Variants in UPF2 observed in about 807,000 individuals in gnomAD.
The protein encoded by UPF2 is UPF2 regulator of nonsense mediated mRNA decay.
In UPF2, 17 loss-of-function variants were observed where a neutral mutation model predicts 141.4. That is an observed-to-expected ratio of 0.12 (90% CI 0.08 to 0.18). UPF2 has a LOEUF of 0.18. UPF2 is among the 10% of genes least tolerant of loss of function. The pLI is 1.00. For missense variants in UPF2, 1,152 were observed against 1,515.9 expected, an observed-to-expected ratio of 0.76 and a Z score of 3.99; for synonymous variants, 540 against 498.0, an observed-to-expected ratio of 1.08 and a Z score of -1.12.
intron 3 of UPF2, chr10:12,026,529 C>A: frequency 2.4e-6 from 1 of 411,570 alleles, no homozygotes; most frequent in Non-Finnish European, 4.8e-6. Context: ...ACACATATGT[C>A]CTCTACTGGT....
chr10:12,040,214 T>C (rs1021715527), intron 1 of UPF2, among the ~76,000 whole-genome samples: 1 of 151,628 alleles, frequency 6.6e-6, no homozygotes, highest in Admixed American at 6.6e-5. Flanking sequence ...AGGTCAAGAG[T>C]TCGAAACCAT....
chr10:11,971,786 G>A (rs746258298), intron 9 of UPF2, among the ~76,000 whole-genome samples: 4 of 151,978 alleles, frequency 2.6e-5, no homozygotes, highest in Non-Finnish European at 5.9e-5. Context: ...TCTTCAGGCC[G>A]GGCACAGTGG....
rs1832633053 is a variant in UPF2 at position 11,920,905 on chromosome 10, G to C, written c.*393C>G. On this transcript the variant is annotated 3_prime_UTR_variant, in exon 22 of 22. Coordinates refer to ENST00000357604, the MANE Select transcript of UPF2 (RefSeq NM_015542.4). ...TCAGAGACACTGAAACTCAAATCAA[G>C]TTTAAAGCTCAAGTTCATTTCCCCC... 1 of 433,870 alleles carries C rather than the reference G, an allele frequency of 2.3e-6. No homozygotes were observed. Among genetic ancestry groups the C allele is most frequent in the African/African-American group, 2.0e-5 (1 of 49,676 alleles). The allele number at this position is 433,870 out of a possible 1,614,324, so 26.9% of individuals were successfully genotyped here. A position where few individuals can be genotyped will look rare whatever the true frequency, so the allele number is the denominator to read the frequency against.
Position 11,956,429 on chromosome 10 carries a change from T to C in UPF2, c.2465A>G (p.Asn822Ser), listed in dbSNP as rs773804891. 21 of 1,614,038 alleles carry C rather than the reference T, an allele frequency of 1.3e-5. No individual in the cohort carries two copies. Among genetic ancestry groups the C allele is most frequent in the Non-Finnish European group, 1.7e-6 (2 of 1,179,998 alleles). Residue 822 changes from asparagine to serine, a missense_variant, in exon 13 of 22, where the codon AAT becomes AGT. By Grantham distance (46) the Asn-to-Ser change is conservative (BLOSUM62 1). Transcript: ENST00000357604. This position sits in a 1 kb window ranked among gnomAD's most constrained non-coding sequence, Gnocchi z 4.2. Reference protein sequence around the residue: ...CMINIWNVKYNSIHCVANLLA... With the variant: ...CMINIWNVKYSSIHCVANLLA... ...GAGGTTGGCTACACAATGAATACTA[T>C]TATATTTCACATTCCAGATGTTTAT...
intron 9 of UPF2, among the ~76,000 whole-genome samples, chr10:11,971,522 G>C (rs2131214600): frequency 6.6e-6 from 1 of 152,212 alleles, no homozygotes; most frequent in South Asian, 2.1e-4. Context: ...AAAGTGCTGG[G>C]ATTACAGGCG....
intron 1 of UPF2, among the ~76,000 whole-genome samples, chr10:12,037,687 C>T (rs11257494): frequency 0.32 from 48,038 of 151,756 alleles, 9,505 homozygotes; most frequent in Non-Finnish European, 0.45. Context: ...CCACAGTGCC[C>T]GGCCAGCCCT....
In UPF2 at chr10:12,035,248, C is replaced by A; in HGVS notation, c.176G>T (p.Arg59Ile). Residue 59 changes from arginine to isoleucine, a missense_variant, in exon 2 of 22, where the codon AGA becomes ATA. Arg to Ile is a moderately conservative substitution (Grantham distance 97). Transcript: ENST00000357604. ...CTTTTTTCTCTTATCATCTTCCAGT[C>A]TCTTCTTCTTGTCTTCAGGGGCCTT... ...VSKAPEDKKKRLEDDKRKKED... is the reference protein window; with the variant it reads ...VSKAPEDKKKILEDDKRKKED... 1 of 1,613,574 alleles carries A rather than the reference C, an allele frequency of 6.2e-7. No individual in the cohort carries two copies. The highest frequency in any genetic ancestry group is 1.3e-5 in the African/African-American group (1 of 74,846).
chr10:11,936,795 G>T lies in UPF2; in HGVS notation c.3379-83C>A. ...AATATAAATTGCAAACTCATTCAATGCTGTATTTCTTAAAACACAACAATC... is the reference window on the plus strand; with the variant it reads ...AATATAAATTGCAAACTCATTCAATTCTGTATTTCTTAAAACACAACAATC... On this transcript the variant is annotated intron_variant, in intron 18 of 21. Transcript: ENST00000357604. This position sits in a 1 kb window ranked among gnomAD's most constrained non-coding sequence, Gnocchi z 6.6. 2 of 1,307,008 alleles carry T rather than the reference G, an allele frequency of 1.5e-6. No homozygotes were observed. Among genetic ancestry groups the T allele is most frequent in the Non-Finnish European group, 2.0e-6 (2 of 979,740 alleles). 81.0% of individuals were successfully genotyped at this position (1,307,008 alleles called of 1,614,324 possible). A position where few individuals can be genotyped will look rare whatever the true frequency, so the allele number is the denominator to read the frequency against.
chr10:12,004,517 C>G lies in UPF2; in HGVS notation c.1504+13G>C, dbSNP rs1379505166. The G allele has an allele frequency of 1.3e-6, 2 of 1,584,414 alleles. No individual in the cohort carries two copies. The highest frequency in any genetic ancestry group is 1.7e-4 in the Middle Eastern group (1 of 5,886). On this transcript the variant is annotated intron_variant, in intron 5 of 21. Coordinates refer to ENST00000357604, the MANE Select transcript of UPF2 (RefSeq NM_015542.4). ...ATAGCACTTAATGTAAATATTTTTT[C>G]TCTAGAATTTACCTTTGGTATCATC...
intron 8 of UPF2, among the ~76,000 whole-genome samples, chr10:11,994,979 A>G: frequency 1.6e-5 from 1 of 61,462 alleles, no homozygotes. Context: ...CCATCTCAAA[A>G]AAAAAAAAAA....
intron 8 of UPF2, among the ~76,000 whole-genome samples, chr10:11,995,171 A>G (rs886937343): frequency 6.6e-6 from 1 of 152,170 alleles, no homozygotes. Flanking sequence ...TTAAAGACTT[A>G]AAGGTGAGTC....
Position 11,990,476 on chromosome 10 carries a change from C to T in UPF2, c.1844+7196G>A, listed in dbSNP as rs555513765. 1.2e-4 allele frequency among the ~76,000 whole-genome samples: 18 copies of T among 152,200 alleles called. No homozygotes were observed. The South Asian group carries it at 2.1e-3, about 18-fold the overall frequency. On this transcript the variant is annotated intron_variant, in intron 8 of 21. Transcript: ENST00000357604. The stretch of plus-strand genomic sequence containing the variant: ...CGGGTGGATCACGAGGTCAGGCGAT[C>T]GAGACCATCCTAGCTAACATGGTGA...
chr10:11,924,784 A>G (rs1194016390), intron 21 of UPF2, among the ~76,000 whole-genome samples: 1 of 152,042 alleles, frequency 6.6e-6, no homozygotes. Context: ...GTTTCCAAAT[A>G]AATTTCCCTT....
At chr10:12,010,009 T>C (rs1007773762) in intron 4 of UPF2, among the ~76,000 whole-genome samples, 3 of 152,180 alleles carry the variant, frequency 2.0e-5, no homozygotes, top group Middle Eastern at 3.2e-3. Context: ...CAAGGCTGAC[T>C]GGAAGAATCT....
chr10:11,949,233 C>A (rs1004243795), intron 15 of UPF2, among the ~76,000 whole-genome samples: 1 of 152,186 alleles, frequency 6.6e-6, no homozygotes, highest in Non-Finnish European at 1.5e-5. Context: ...TCCCACTGAT[C>A]TGCTACCCAC....
chr10:11,946,671 T>C (rs1833004266), intron 16 of UPF2, among the ~76,000 whole-genome samples: 1 of 152,244 alleles, frequency 6.6e-6, no homozygotes, highest in South Asian at 2.1e-4. Flanking sequence ...TTGTTTCTTC[T>C]ATACCCCTAA....
At chr10:12,002,479 A>G (rs1047052778) in intron 5 of UPF2, among the ~76,000 whole-genome samples, 4 of 152,166 alleles carry the variant, frequency 2.6e-5, no homozygotes, top group Non-Finnish European at 5.9e-5. Flanking sequence ...AAGCGTCTCA[A>G]ACTCCCAGAT....
At chr10:12,005,630 G>A (rs541571741) in intron 4 of UPF2, among the ~76,000 whole-genome samples, 17 of 152,142 alleles carry the variant, frequency 1.1e-4, no homozygotes, top group Admixed American at 3.9e-4. Flanking sequence ...GTACAATGGC[G>A]CAACATCAGC....
intron 10 of UPF2, among the ~76,000 whole-genome samples, chr10:11,965,406 C>G (rs993595415): frequency 1.3e-5 from 2 of 152,108 alleles, no homozygotes; most frequent in Non-Finnish European, 2.9e-5. Flanking sequence ...TCCAGAGATG[C>G]TCTAAGAAGG....
Sources: allele counts gnomAD v4.1 joint callset (sites outside exome capture counted in the v4.1 genomes callset), GRCh38; gene constraint gnomAD v4.1.1; non-coding constraint Gnocchi (gnomAD v3.1); transcripts MANE v1.5; gene names NCBI Gene and HGNC (gene_info 2026-07-23, HGNC 2026-07-21).